The following NRXN1 variants were observed in gnomAD, a reference collection of about 807,000 sequenced individuals.
The protein encoded by NRXN1 is neurexin-1.
In NRXN1, 39 loss-of-function variants were observed where a neutral mutation model predicts 150.9. That is an observed-to-expected ratio of 0.26 (90% CI 0.20 to 0.34). The LOEUF (loss-of-function observed/expected upper bound fraction) is 0.34, where lower values mean the gene tolerates loss of function less well. NRXN1 is among the 10% of genes least tolerant of loss of function. The pLI is 1.00. For missense variants in NRXN1, 1,815 were observed against 1,949.9 expected, an observed-to-expected ratio of 0.93 and a Z score of 1.30; for synonymous variants, 924 against 757.0, an observed-to-expected ratio of 1.22 and a Z score of -3.62.
chr2:50,881,486 T>C (rs1679421651), intron 5 of NRXN1, among the ~76,000 whole-genome samples: 1 of 151,922 alleles, frequency 6.6e-6, no homozygotes, highest in Admixed American at 6.6e-5. Context: ...GTATAACTAA[T>C]TAAACATTAA....
chr2:50,946,317 T>TA lies in NRXN1; in HGVS notation c.773-20363dup, dbSNP rs1259718575. Among the ~76,000 whole-genome samples the TA allele has an allele frequency of 4.6e-5, 7 of 152,252 alleles. No homozygotes were observed. In the South Asian group the frequency reaches 1.2e-3, roughly 27 times the overall value. Reference sequence around the variant, plus strand: ...TCTTGACAAATAAGTGTGGAACACTTACACCTATTTCAGAGGCTCACAGTG... The same window carrying TA: ...TCTTGACAAATAAGTGTGGAACACTTAACACCTATTTCAGAGGCTCACAGTG... On this transcript the variant is annotated intron_variant, in intron 2 of 22. Coordinates refer to ENST00000401669, the MANE Select transcript of NRXN1 (RefSeq NM_001330078.2).
chr2:50,074,507 T>C (rs1696765941), intron 19 of NRXN1, among the ~76,000 whole-genome samples: 1 of 152,156 alleles, frequency 6.6e-6, no homozygotes. Context: ...AAGAATAATA[T>C]GTAATGTCTG....
chr2:49,954,522 CA>C (rs1376099951), intron 21 of NRXN1, among the ~76,000 whole-genome samples: 2 of 151,806 alleles, frequency 1.3e-5, no homozygotes, highest in Admixed American at 6.6e-5. Flanking sequence ...AACAGATGAA[CA>C]GGGAAAAACA....
intron 17 of NRXN1, among the ~76,000 whole-genome samples, chr2:50,404,039 G>T (rs1242810305): frequency 6.6e-6 from 1 of 152,040 alleles, no homozygotes; most frequent in Non-Finnish European, 1.5e-5. Flanking sequence ...ATGAGTGGAT[G>T]GGTATTAGAA....
At chr2:50,813,393 TTCAA>T (rs1395477066) in intron 5 of NRXN1, among the ~76,000 whole-genome samples, 1 of 152,196 alleles carries the variant, frequency 6.6e-6, no homozygotes, top group African/African-American at 2.4e-5. Flanking sequence ...GCTTTATCTT[TTCAA>T]TCAGTTTCTA....
At chr2:49,933,174 C>G (rs1442015222) in intron 22 of NRXN1, among the ~76,000 whole-genome samples, 2 of 152,084 alleles carry the variant, frequency 1.3e-5, no homozygotes, top group African/African-American at 4.8e-5. Flanking sequence ...GCAAGCTCTG[C>G]CTCCCAGATT....
At chr2:50,952,714 C>T (rs1407749711) in intron 2 of NRXN1, among the ~76,000 whole-genome samples, 3 of 152,222 alleles carry the variant, frequency 2.0e-5, no homozygotes, top group African/African-American at 7.2e-5. Flanking sequence ...ATCAGCAACA[C>T]ACCAGGCCAT....
chr2:51,019,738 T>C lies in NRXN1; in HGVS notation c.772+7764A>G, dbSNP rs148545618. Among the ~76,000 whole-genome samples, 404 of 152,204 alleles carry C rather than the reference T, an allele frequency of 2.7e-3. 2 individuals carry two copies. Among genetic ancestry groups the C allele is most frequent in the African/African-American group, 9.4e-3 (390 of 41,564 alleles). On this transcript the variant is annotated intron_variant, in intron 2 of 22. Transcript: ENST00000401669. ...TGCCTGATTGTGTTGGTAGGATTTG[T>C]GCTCCGTGGATGCAAGTGTAAAATA...
intron 2 of NRXN1, among the ~76,000 whole-genome samples, chr2:50,930,785 C>T (rs955068963): frequency 3.9e-5 from 6 of 152,116 alleles, no homozygotes. Flanking sequence ...ATGAATGCTT[C>T]CTGATACGGA....
intron 8 of NRXN1, among the ~76,000 whole-genome samples, chr2:50,613,457 C>T (rs759561360): frequency 4.6e-5 from 7 of 152,200 alleles, no homozygotes; most frequent in Non-Finnish European, 8.8e-5. Context: ...CTGTATAGTG[C>T]ATACTGATCC....
At chr2:50,469,829 C>T (rs1320128456) in intron 16 of NRXN1, among the ~76,000 whole-genome samples, 1 of 150,526 alleles carries the variant, frequency 6.6e-6, no homozygotes, top group African/African-American at 2.4e-5. Context: ...AGGAAAGAAC[C>T]AATGCCATAA....
chr2:50,101,982 C>G (rs1304519844), intron 18 of NRXN1, among the ~76,000 whole-genome samples: 7 of 151,952 alleles, frequency 4.6e-5, no homozygotes, highest in African/African-American at 1.7e-4. Flanking sequence ...TAGTCCAGGA[C>G]TAGCTGTCCG....
At chr2:50,627,343 G>A (rs1298678570) in intron 5 of NRXN1, among the ~76,000 whole-genome samples, 1 of 137,788 alleles carries the variant, frequency 7.3e-6, no homozygotes, top group Non-Finnish European at 1.6e-5. Context: ...AGTCAAGTGG[G>A]TTCTGGTTCA....
At chr2:50,021,284 C>T (rs1315736190) in intron 21 of NRXN1, among the ~76,000 whole-genome samples, 1 of 152,128 alleles carries the variant, frequency 6.6e-6, no homozygotes, top group Non-Finnish European at 1.5e-5. Context: ...GTGTTCACTT[C>T]TCTAAGACAT....
At chr2:50,771,168 T>C (rs1444980075) in intron 5 of NRXN1, among the ~76,000 whole-genome samples, 4 of 152,044 alleles carry the variant, frequency 2.6e-5, no homozygotes, top group African/African-American at 4.8e-5. Flanking sequence ...ATGATGGTCA[T>C]AGATTACATG....
At chr2:50,626,626 G>C (rs78200615) in intron 5 of NRXN1, among the ~76,000 whole-genome samples, 1,915 of 151,928 alleles carry the variant, frequency 0.013, 48 homozygotes, top group African/African-American at 0.043. Flanking sequence ...AATTCTACAT[G>C]GATGCCCGAT....
At chr2:50,939,501 G>C (rs1471116991) in intron 2 of NRXN1, among the ~76,000 whole-genome samples, 1 of 151,706 alleles carries the variant, frequency 6.6e-6, no homozygotes, top group South Asian at 2.1e-4. Context: ...TATTGGATAG[G>C]ATGCAAATAT....
chr2:50,932,120 G>C (rs1687837716), intron 2 of NRXN1, among the ~76,000 whole-genome samples: 1 of 152,058 alleles, frequency 6.6e-6, no homozygotes, highest in Admixed American at 6.5e-5. Flanking sequence ...GAGCACGGTG[G>C]TTCACACCTG....
At chr2:50,890,803 TAAC>T (rs1680930848) in intron 5 of NRXN1, among the ~76,000 whole-genome samples, 1 of 151,962 alleles carries the variant, frequency 6.6e-6, no homozygotes, top group Non-Finnish European at 1.5e-5. Flanking sequence ...TGAACTGAGA[TAAC>T]GACTGTAGTG....
Sources: allele counts gnomAD v4.1 joint callset (sites outside exome capture counted in the v4.1 genomes callset), GRCh38; gene constraint gnomAD v4.1.1; transcripts MANE v1.5; gene names NCBI Gene and HGNC (gene_info 2026-07-23, HGNC 2026-07-21).